Variants in KRT6A observed in about 807,000 individuals in gnomAD.
KRT6A encodes keratin 6A.
A neutral mutation model predicts 48.6 loss-of-function variants in KRT6A; 28 were observed. The ratio of observed to expected loss-of-function variants is 0.58; its 90% confidence interval spans 0.43 to 0.79. KRT6A has a LOEUF of 0.79. KRT6A is among the 30% of genes least tolerant of loss of function. The pLI is 0.00. For missense variants in KRT6A, 687 were observed against 724.3 expected, an observed-to-expected ratio of 0.95 and a Z score of 0.59; for synonymous variants, 301 against 294.2, an observed-to-expected ratio of 1.02 and a Z score of -0.24.
intron 2 of KRT6A, 133 bp from the exon 3 acceptor site, chr12:52,491,305 C>T (rs999218704): frequency 1.4e-5 from 21 of 1,550,570 alleles, no homozygotes; most frequent in East Asian, 1.4e-4. Flanking sequence ...GCCTAAGAGA[C>T]GATTTTTGCT....
intron 6 of KRT6A, among the ~76,000 whole-genome samples, chr12:52,489,388 C>T (rs1184548274): frequency 6.6e-6 from 1 of 152,144 alleles, no homozygotes; most frequent in East Asian, 1.9e-4. Flanking sequence ...AAGCGATTCT[C>T]CTGCTTCAGT....
In KRT6A at chr12:52,488,431, G is replaced by A. The variant is rs764200849; in HGVS notation, c.1321C>T (p.Leu441=). 6.2e-6 allele frequency: 10 copies of A among 1,614,172 alleles called. No individual in the cohort carries two copies. In the South Asian group the frequency reaches 8.8e-5, roughly 14 times the overall value. The change falls in exon 7 of 9, where the codon CTG becomes TTG. Residue 441 remains leucine (L), a synonymous_variant. Coordinates refer to ENST00000330722, the MANE Select transcript of KRT6A (RefSeq NM_005554.4). ...EDALQKAKQD[L]ARLLKEYQEL... Reference sequence around the variant, plus strand: ...TGGTACTCCTTCAGCAGCCGGGCCAGGTCCTGCTTGGCCTTCTGCAGGGCA... The same window carrying A: ...TGGTACTCCTTCAGCAGCCGGGCCAAGTCCTGCTTGGCCTTCTGCAGGGCA...
chr12:52,490,948 C>T lies in KRT6A; in HGVS notation c.822G>A (p.Val274=). 7 of 1,613,936 alleles carry T rather than the reference C, an allele frequency of 4.3e-6. No individual in the cohort carries two copies. The highest frequency in any genetic ancestry group is 5.9e-6 in the Non-Finnish European group (7 of 1,179,878). ...CAACCTTGTTCATGTAGGCAGCATC[C>T]ACATCCTGGGGAAAGAGCCAACAAC... is the stretch of plus-strand genomic sequence containing the variant. ...ENEFVTLKKD[V]DAAYMNKVEL... is the part of the protein sequence containing the mutation. Residue 274 remains valine (V), a synonymous_variant, in exon 4 of 9, where the codon GTG becomes GTA. Coordinates refer to ENST00000330722, the MANE Select transcript of KRT6A (RefSeq NM_005554.4).
In KRT6A at chr12:52,491,635, GAAC is replaced by G. The variant is rs1565586748; in HGVS notation, c.639_641del (p.Leu213del). ...TCCTGAGGTTGTTGATGTACTGCTCGAACAACGGCTCCAGGTTCTGCCTCACAG... is the reference window on the plus strand; with the variant it reads ...TCCTGAGGTTGTTGATGTACTGCTCGAACGGCTCCAGGTTCTGCCTCACAG... On this transcript the variant is annotated inframe_deletion, in exon 2 of 9. Coordinates refer to ENST00000330722, the MANE Select transcript of KRT6A (RefSeq NM_005554.4). 1 of 1,614,148 alleles carries G rather than the reference GAAC, an allele frequency of 6.2e-7. No homozygotes were observed. Among genetic ancestry groups the G allele is most frequent in the African/African-American group, 1.3e-5 (1 of 75,036 alleles).
intron 2 of KRT6A, among the ~76,000 whole-genome samples, 171 bp from the exon 3 acceptor site, chr12:52,491,343 T>C (rs538988290): frequency 7.6e-4 from 116 of 152,246 alleles, no homozygotes; most frequent in Non-Finnish European, 1.4e-3. Context: ...TTCTTTAATC[T>C]CCCCATCCTC....
Position 52,493,155 on chromosome 12 carries a change from T to C in KRT6A, c.34A>G (p.Ser12Gly), listed in dbSNP as rs2120413233. 1.2e-6 allele frequency: 2 copies of C among 1,614,132 alleles called. No homozygotes were observed. Among genetic ancestry groups the C allele is most frequent in the Non-Finnish European group, 1.7e-6 (2 of 1,180,040 alleles). ...GCACTGAAACCCCGGCGGCTGCTGC[T>C]GTGGCTCCTGATGGTGGTGGATGTG... ...ASTSTTIRSH[S>G]SSRRGFSANS... Residue 12 changes from serine (S) to glycine (G), a missense_variant, in exon 1 of 9, where the codon AGC becomes GGC. Transcript: ENST00000330722.
In KRT6A at chr12:52,491,727, G is replaced by C. The variant is rs761989428; in HGVS notation, c.550C>G (p.Leu184Val). Residue 184 changes from leucine (L) to valine (V), a missense_variant, in exon 2 of 9, where the codon CTG becomes GTG. By Grantham distance (32) the Leu-to-Val change is conservative (BLOSUM62 1). Transcript: ENST00000330722. ...TCCAGAACCTTGTTCTGCTGCTCCA[G>C]GAACCGCACCTGAAAGAGAGACAAG... The part of the protein sequence containing the change: ...FASFIDKVRF[L>V]EQQNKVLETK... 1.2e-6 allele frequency: 2 copies of C among 1,614,188 alleles called. No homozygotes were observed. The highest frequency in any genetic ancestry group is 1.7e-6 in the Non-Finnish European group (2 of 1,180,036).
At position 52,487,968 on chromosome 12, in the gene KRT6A, G is replaced by A. The variant is rs983666078; in HGVS notation, c.1460-13C>T. The A allele has an allele frequency of 1.9e-6, 3 of 1,614,156 alleles. No individual in the cohort carries two copies. Among genetic ancestry groups the A allele is most frequent in the East Asian group, 4.5e-5 (2 of 44,880 alleles). ...GACTGCACCACAGCTGTGATGGGGA[G>A]GGGACAAGGACACAAGAAGCCATGG... On this transcript the variant is annotated splice_polypyrimidine_tract_variant and intron_variant, in intron 8 of 8. Transcript: ENST00000330722.
Position 52,493,162 on chromosome 12 carries a change from C to T in KRT6A, c.27G>A (p.Arg9=), listed in dbSNP as rs747506929. The part of the protein sequence containing the change: MASTSTTI[R]SHSSSRRGFS... ...AACCCCGGCGGCTGCTGCTGTGGCT[C>T]CTGATGGTGGTGGATGTGCTGGCCA... The change falls in exon 1 of 9, where the codon AGG becomes AGA. Residue 9 remains arginine, a synonymous_variant. Coordinates refer to ENST00000330722, the MANE Select transcript of KRT6A (RefSeq NM_005554.4). 1 of 1,614,076 alleles carries T rather than the reference C, an allele frequency of 6.2e-7. No homozygotes were observed. Among genetic ancestry groups the T allele is most frequent in the Admixed American group, 1.7e-5 (1 of 60,022 alleles).
chr12:52,492,604 C>A (rs1190147638), intron 1 of KRT6A, 45 bp downstream of exon 1: 1 of 1,613,898 alleles, frequency 6.2e-7, no homozygotes, highest in African/African-American at 1.3e-5. Context: ...CTCCTCTGGT[C>A]TGGGGACCCT....
At position 52,491,787 on chromosome 12, in the gene KRT6A, G is replaced by A. The variant is rs758652342; in HGVS notation, c.541-51C>T. On this transcript the variant is annotated intron_variant, in intron 1 of 8. Coordinates refer to ENST00000330722, the MANE Select transcript of KRT6A (RefSeq NM_005554.4). ...TTCCAGGCAAGGGAAGGAAGAAAAA[G>A]TGTCTGGTATCCGGTTTCCTGGCAG... 3 of 1,610,966 alleles carry A rather than the reference G, an allele frequency of 1.9e-6. No individual in the cohort carries two copies. In the East Asian group the frequency reaches 6.7e-5, roughly 36 times the overall value.
At chr12:52,491,501 C>T (rs1326960438) in intron 2 of KRT6A, 21 bp downstream of exon 2, 2 of 1,612,842 alleles carry the variant, frequency 1.2e-6, no homozygotes, top group East Asian at 4.5e-5. Context: ...AAACTGAGTC[C>T]ATTTCTCCTG....
At chr12:52,492,360 C>T (rs1254794347) in intron 1 of KRT6A, among the ~76,000 whole-genome samples, 1 of 152,200 alleles carries the variant, frequency 6.6e-6, no homozygotes, top group African/African-American at 2.4e-5. Flanking sequence ...TTCTTTGACG[C>T]TTCAAAGGGA....
chr12:52,493,241 G>A lies in KRT6A; in HGVS notation c.-53C>T. Reference sequence around the variant, plus strand: ...GAGTGTGAGAGGCTGGAGGAGAGAGGGAAGAGAAGCAGGACTAGGAATCAG... The same window carrying A: ...GAGTGTGAGAGGCTGGAGGAGAGAGAGAAGAGAAGCAGGACTAGGAATCAG... On this transcript the variant is annotated 5_prime_UTR_variant, in exon 1 of 9. Coordinates refer to ENST00000330722, the MANE Select transcript of KRT6A (RefSeq NM_005554.4). 6.2e-7 allele frequency: 1 copy of A among 1,613,038 alleles called. No homozygotes were observed. Among genetic ancestry groups the A allele is most frequent in the Non-Finnish European group, 8.5e-7 (1 of 1,179,564 alleles).
intron 1 of KRT6A, 38 bp downstream of exon 1, chr12:52,492,611 C>T (rs746604539): frequency 7.4e-6 from 12 of 1,613,758 alleles, no homozygotes; most frequent in Admixed American, 1.7e-5. Context: ...GGTCTGGGGA[C>T]CCTGAAGTGC....
rs577858889 is a variant in KRT6A at position 52,490,075 on chromosome 12, C to G, written c.1078-7G>C. ...TGACCTGCAGCTCCTCGTACTGCAG[C>G]CCAGAGGTGGAGAGAGAGACAGTGT... On this transcript the variant is annotated splice_polypyrimidine_tract_variant and splice_region_variant and intron_variant, in intron 5 of 8. Transcript: ENST00000330722. 1.9e-6 allele frequency: 3 copies of G among 1,613,996 alleles called. No homozygotes were observed. Among genetic ancestry groups the G allele is most frequent in the South Asian group, 2.2e-5 (2 of 91,062 alleles).
chr12:52,492,914 C>A lies in KRT6A; in HGVS notation c.275G>T (p.Gly92Val), dbSNP rs1389879211. ...GYGSRAGGSYGFGGAGSGFGF... is the reference protein window; with the variant it reads ...GYGSRAGGSYVFGGAGSGFGF... ...AAATCCACTCCCGGCGCCACCAAAG[C>A]CATAGCTGCCTCCGGCTCTGCTGCC... The change falls in exon 1 of 9, where the codon GGC (glycine) becomes GTC (valine). Residue 92 changes from glycine (G) to valine (V), a missense_variant. Transcript: ENST00000330722. The A allele has an allele frequency of 2.5e-6, 4 of 1,607,698 alleles. No homozygotes were observed. The highest frequency in any genetic ancestry group is 3.4e-6 in the Non-Finnish European group (4 of 1,177,110).
chr12:52,490,421 T>C (rs1000866132), intron 5 of KRT6A, 148 bp downstream of exon 5: 191 of 1,394,396 alleles, frequency 1.4e-4, no homozygotes, highest in African/African-American at 1.2e-3. Flanking sequence ...GCATAAGTTC[T>C]GCAAATGTCT....
In KRT6A at chr12:52,493,100, C is replaced by T. The variant is rs1308335675; in HGVS notation, c.89G>A (p.Arg30His). The part of the protein sequence containing the change: ...ANSARLPGVS[R>H]SGFSSVSVSR... ...CACGGAGACGCTGCTGAAGCCAGAG[C>T]GGCTGACCCCAGGGAGCCTGGCTGA... The change falls in exon 1 of 9, where the codon CGC becomes CAC. Residue 30 changes from arginine to histidine, a missense_variant. Physicochemically the swap from Arg to His is conservative, Grantham distance 29. Coordinates refer to ENST00000330722, the MANE Select transcript of KRT6A (RefSeq NM_005554.4). The T allele has an allele frequency of 1.3e-5, 21 of 1,613,820 alleles. No individual in the cohort carries two copies. The highest frequency in any genetic ancestry group is 3.3e-5 in the Admixed American group (2 of 60,010).
Sources: gnomAD v4.1 joint callset for allele counts (sites outside exome capture counted in the v4.1 genomes callset) on GRCh38, gnomAD v4.1.1 for gene constraint, MANE v1.5 for transcripts, NCBI Gene and HGNC (gene_info 2026-07-23, HGNC 2026-07-21) for gene names.